The following MACROH2A2 variants were observed in gnomAD, a reference collection of about 807,000 sequenced individuals.
MACROH2A2 encodes macroH2A.2 histone.
In MACROH2A2, 6 loss-of-function variants were observed where a neutral mutation model predicts 37.6. That is an observed-to-expected ratio of 0.16 (90% CI 0.09 to 0.32). MACROH2A2 has a LOEUF of 0.32. MACROH2A2 is among the 10% of genes least tolerant of loss of function. The pLI is 1.00. For synonymous variants in MACROH2A2, 192 were observed against 202.7 expected, an observed-to-expected ratio of 0.95 and a Z score of 0.45; for missense variants, 290 against 485.9, an observed-to-expected ratio of 0.60 and a Z score of 3.79.
chr10:70,094,758 C>T (rs1451722937), intron 5 of MACROH2A2, among the ~76,000 whole-genome samples: 1 of 152,178 alleles, frequency 6.6e-6, no homozygotes, highest in Non-Finnish European at 1.5e-5. Context: ...TAGAGAATGC[C>T]CTCCATTCCA....
Position 70,095,707 on chromosome 10 carries a change from C to T in MACROH2A2, c.642C>T (p.Gly214=). 6.2e-7 allele frequency: 1 copy of T among 1,602,404 alleles called. No individual in the cohort carries two copies. The highest frequency in any genetic ancestry group is 2.2e-5 in the East Asian group (1 of 44,844). Residue 214 remains glycine, a synonymous_variant, in exon 6 of 9, where the codon GGC becomes GGT. Coordinates refer to ENST00000373255, the MANE Select transcript of MACROH2A2 (RefSeq NM_018649.3). ...ISHIGSMRVE[G]IVHPTTAEID... Reference sequence around the variant, plus strand: ...ATATTGGCTCCATGAGAGTGGAGGGCATTGTCCACCCAACCACAGCCGAAA... The same window carrying T: ...ATATTGGCTCCATGAGAGTGGAGGGTATTGTCCACCCAACCACAGCCGAAA...
In MACROH2A2 at chr10:70,053,337, G is replaced by T. The variant is rs921356254; in HGVS notation, c.-60+337G>T. 2.6e-5 allele frequency among the ~76,000 whole-genome samples: 4 copies of T among 152,080 alleles called. No individual in the cohort carries two copies. The highest frequency in any genetic ancestry group is 4.4e-5 in the Non-Finnish European group (3 of 67,980). On this transcript the variant is annotated intron_variant, in intron 1 of 8. Transcript: ENST00000373255. This position sits in a 1 kb window ranked among gnomAD's most constrained non-coding sequence, Gnocchi z 4.8. ...GCCCCAGGCGAGGCTGGACCCGGAG[G>T]AAGCGGAGGTCTCCTGGGAATGCGG...
intron 7 of MACROH2A2, among the ~76,000 whole-genome samples, chr10:70,103,356 T>C (rs1250607517): frequency 1.3e-5 from 2 of 152,182 alleles, no homozygotes; most frequent in Admixed American, 6.5e-5. Context: ...AATGAGAAGC[T>C]CCAACACACT....
intron 5 of MACROH2A2, among the ~76,000 whole-genome samples, chr10:70,095,327 C>A (rs2072268875): frequency 6.7e-6 from 1 of 150,156 alleles, no homozygotes; most frequent in Non-Finnish European, 1.5e-5. Flanking sequence ...GAGATCACGC[C>A]ACTGCACTCC....
At chr10:70,102,002 G>A (rs2072309749) in intron 7 of MACROH2A2, among the ~76,000 whole-genome samples, 1 of 152,134 alleles carries the variant, frequency 6.6e-6, no homozygotes, top group East Asian at 1.9e-4. Context: ...TTGACAGGTG[G>A]ATTCAACCTC....
In MACROH2A2 at chr10:70,062,814, G is replaced by C. The variant is rs539338755; in HGVS notation, c.-60+9814G>C. Reference sequence around the variant, plus strand: ...TGCTGTTGTATGTTCTCACCCATAAGTGGAAGCTAAACTGTAAGGGTACAA... The same window carrying C: ...TGCTGTTGTATGTTCTCACCCATAACTGGAAGCTAAACTGTAAGGGTACAA... On this transcript the variant is annotated intron_variant, in intron 1 of 8. Transcript: ENST00000373255. Among the ~76,000 whole-genome samples, 11 of 152,288 alleles carry C rather than the reference G, an allele frequency of 7.2e-5. No homozygotes were observed. The South Asian group carries it at 2.3e-3, about 32-fold the overall frequency.
At chr10:70,098,966 A>T (rs2072291631) in intron 6 of MACROH2A2, 1 of 152,200 alleles carries the variant, frequency 6.6e-6, no homozygotes, top group South Asian at 2.1e-4. Context: ...TGCCTTCTGC[A>T]CATTCCCATT....
chr10:70,110,467 G>A (rs1417296663), intron 8 of MACROH2A2, among the ~76,000 whole-genome samples: 2 of 152,234 alleles, frequency 1.3e-5, no homozygotes, highest in African/African-American at 4.8e-5. Flanking sequence ...AATTGGGTTA[G>A]TATATAAACC....
chr10:70,105,968 T>C (rs1589841517), intron 7 of MACROH2A2, among the ~76,000 whole-genome samples: 1 of 151,492 alleles, frequency 6.6e-6, no homozygotes, highest in South Asian at 2.1e-4. Context: ...GCTTAGGAGG[T>C]GGGGCTGCAG....
chr10:70,074,496 C>T (rs1344055274), intron 1 of MACROH2A2, among the ~76,000 whole-genome samples: 1 of 152,200 alleles, frequency 6.6e-6, no homozygotes, highest in Non-Finnish European at 1.5e-5. Context: ...AAATACACAT[C>T]AGCTCTCAGT....
chr10:70,058,952 C>A (rs1380161425), intron 1 of MACROH2A2, among the ~76,000 whole-genome samples: 1 of 151,850 alleles, frequency 6.6e-6, no homozygotes, highest in Non-Finnish European at 1.5e-5. Context: ...TTCACCTCAG[C>A]TGTTCCATAG....
chr10:70,085,502 C>T (rs541083142), intron 2 of MACROH2A2, among the ~76,000 whole-genome samples: 4 of 152,216 alleles, frequency 2.6e-5, no homozygotes, highest in African/African-American at 4.8e-5. Context: ...GTCTTGCTCA[C>T]TCCACCTCAC....
chr10:70,093,659 T>C (rs536989478), intron 4 of MACROH2A2, 76 bp from the exon 5 acceptor site: 44 of 750,852 alleles, frequency 5.9e-5, no homozygotes, highest in Admixed American at 4.8e-4. Context: ...GTGGCAGCCG[T>C]GAGAAGAGCT....
chr10:70,082,101 C>T lies in MACROH2A2; in HGVS notation c.172+6271C>T, dbSNP rs552890819. The stretch of plus-strand genomic sequence containing the variant: ...CCAATACAACCAAGCAATTCCACTC[C>T]TAGCCATATACCTAAGAGAACTGAA... On this transcript the variant is annotated intron_variant, in intron 2 of 8. Transcript: ENST00000373255. 3.3e-3 allele frequency among the ~76,000 whole-genome samples: 502 copies of T among 152,326 alleles called. 3 individuals are homozygous for T. Among genetic ancestry groups the T allele is most frequent in the Non-Finnish European group, 5.5e-3 (374 of 68,020 alleles).
intron 2 of MACROH2A2, among the ~76,000 whole-genome samples, chr10:70,079,052 A>G (rs1437827118): frequency 1.3e-5 from 2 of 152,138 alleles, no homozygotes; most frequent in African/African-American, 4.8e-5. Flanking sequence ...CTGGACTTAG[A>G]GCCTAGTGAG....
intron 1 of MACROH2A2, among the ~76,000 whole-genome samples, chr10:70,074,597 G>GAGGGACC (rs921722382): frequency 3.3e-5 from 5 of 152,166 alleles, no homozygotes; most frequent in African/African-American, 1.2e-4. Context: ...CATGTTGTGG[G>GAGGGACC]AGGGACCTGG....
Position 70,075,905 on chromosome 10 carries a change from G to A in MACROH2A2, c.172+75G>A, listed in dbSNP as rs891132452. 19 of 1,296,458 alleles carry A rather than the reference G, an allele frequency of 1.5e-5. No homozygotes were observed. The African/African-American group carries it at 2.8e-4, about 19-fold the overall frequency. The allele number at this position is 1,296,458 out of a possible 1,614,324, so 80.3% of individuals were successfully genotyped here. On this transcript the variant is annotated intron_variant, in intron 2 of 8. Transcript: ENST00000373255. The surrounding 1 kb of genome is among the most constrained non-coding windows in gnomAD (Gnocchi z 5.0). ...CCCTGGGTCCCCCTCGCAGGCTGGG[G>A]AGGGATGCTCCAAATTGCCTTTTGG...
rs1033279105 is a variant in MACROH2A2, at chr10:70,053,298, A to G, written c.-60+298A>G. Reference sequence around the variant, plus strand: ...TGAGAGGGGAAGGAGGAGGGATGCGAGGTTCAGCAGCGGGCCCCAGGCGAG... The same window carrying G: ...TGAGAGGGGAAGGAGGAGGGATGCGGGGTTCAGCAGCGGGCCCCAGGCGAG... On this transcript the variant is annotated intron_variant, in intron 1 of 8. Transcript: ENST00000373255. This position sits in a 1 kb window ranked among gnomAD's most constrained non-coding sequence, Gnocchi z 4.8. Among the ~76,000 whole-genome samples the G allele has an allele frequency of 6.6e-6, 1 of 151,606 alleles. No homozygotes were observed. The highest frequency in any genetic ancestry group is 6.6e-5 in the Admixed American group (1 of 15,246).
intron 1 of MACROH2A2, among the ~76,000 whole-genome samples, chr10:70,057,210 CA>C (rs1158673213): frequency 6.6e-6 from 1 of 152,132 alleles, no homozygotes; most frequent in Non-Finnish European, 1.5e-5. Context: ...GTAAAACATG[CA>C]ATAGCATTTT....
Sources: gnomAD v4.1 joint callset for allele counts (sites outside exome capture counted in the v4.1 genomes callset) on GRCh38, gnomAD v4.1.1 for gene constraint, Gnocchi (gnomAD v3.1) non-coding constraint, MANE v1.5 for transcripts, NCBI Gene and HGNC (gene_info 2026-07-23, HGNC 2026-07-21) for gene names.